Variants in YAF2 observed in about 807,000 individuals in gnomAD.
YAF2 encodes YY1-associated factor 2.
A neutral mutation model predicts 20.1 loss-of-function variants in YAF2; 7 were observed. That is an observed-to-expected ratio of 0.35 (90% confidence interval 0.20 to 0.65). The LOEUF is 0.65. Among genes scored for constraint, YAF2 ranks in the 30% least tolerant of loss-of-function variants. The pLI is 0.69. For synonymous variants in YAF2, 74 were observed against 76.0 expected, an observed-to-expected ratio of 0.97 and a Z score of 0.14; for missense variants, 151 against 219.2, an observed-to-expected ratio of 0.69 and a Z score of 1.96.
At chr12:42,205,670 G>A (rs1433847756) in intron 2 of YAF2, among the ~76,000 whole-genome samples, 1 of 152,108 alleles carries the variant, frequency 6.6e-6, no homozygotes, top group Non-Finnish European at 1.5e-5. Context: ...ACCGTGCCCG[G>A]TCATTGCTGA....
chr12:42,190,734 C>T (rs2066592227), intron 2 of YAF2, among the ~76,000 whole-genome samples: 1 of 151,834 alleles, frequency 6.6e-6, no homozygotes, highest in African/African-American at 2.4e-5. Context: ...TATCTTTAGA[C>T]CTTTGACTTA....
intron 2 of YAF2, among the ~76,000 whole-genome samples, chr12:42,191,362 T>C (rs2066607914): frequency 6.6e-6 from 1 of 152,158 alleles, no homozygotes; most frequent in African/African-American, 2.4e-5. Flanking sequence ...TCTAATAATA[T>C]GAATCCACTG....
chr12:42,203,151 A>T (rs1187152391), intron 2 of YAF2, among the ~76,000 whole-genome samples: 1 of 152,002 alleles, frequency 6.6e-6, no homozygotes, highest in Admixed American at 6.6e-5. Context: ...TTTATTACTA[A>T]ATAAATTTTA....
At chr12:42,198,114 A>T (rs1393128321) in intron 2 of YAF2, among the ~76,000 whole-genome samples, 3 of 151,952 alleles carry the variant, frequency 2.0e-5, no homozygotes, top group African/African-American at 7.2e-5. Context: ...GCCTCACCTT[A>T]TAAAAAAAAA....
chr12:42,222,937 C>CTTT (rs75277041), intron 2 of YAF2, among the ~76,000 whole-genome samples: 1 of 140,946 alleles, frequency 7.1e-6, no homozygotes, highest in Non-Finnish European at 1.6e-5. Context: ...CTGCCAAATT[C>CTTT]TTTTTTTTTT....
intron 2 of YAF2, chr12:42,212,361 T>C (rs1400094185): frequency 8.7e-6 from 3 of 346,206 alleles, no homozygotes; most frequent in Non-Finnish European, 1.7e-5. Context: ...CAGTGATGAC[T>C]TCTAACACTA....
chr12:42,162,661 T>G (rs2136951697), intron 2 of YAF2, among the ~76,000 whole-genome samples: 1 of 152,356 alleles, frequency 6.6e-6, no homozygotes, highest in South Asian at 2.1e-4. Context: ...TTTTGGTTAG[T>G]ACAGTTTTTA....
chr12:42,177,980 T>TC (rs1375982643), intron 2 of YAF2, among the ~76,000 whole-genome samples: 1 of 152,110 alleles, frequency 6.6e-6, no homozygotes, highest in Non-Finnish European at 1.5e-5. Context: ...TCATCTGTTT[T>TC]CCTCTACCAG....
intron 2 of YAF2, among the ~76,000 whole-genome samples, chr12:42,227,733 G>C (rs566442076): frequency 7.8e-4 from 116 of 148,428 alleles, no homozygotes; most frequent in African/African-American, 2.8e-3. Context: ...CAGCCACCCC[G>C]TCCGGGAGGG....
chr12:42,237,526 G>A, intron 2 of YAF2, 73 bp downstream of exon 2: 3 of 1,409,480 alleles, frequency 2.1e-6, no homozygotes, highest in Non-Finnish European at 1.9e-6. Flanking sequence ...ATGGGAGGGG[G>A]CGGCAGCCGC....
intron 2 of YAF2, among the ~76,000 whole-genome samples, chr12:42,201,026 CAG>C (rs1258062636): frequency 6.6e-5 from 10 of 152,160 alleles, no homozygotes; most frequent in African/African-American, 2.4e-4. Flanking sequence ...AACCTAGACA[CAG>C]AAAGTACAAG....
intron 2 of YAF2, chr12:42,234,921 G>C (rs10083090): frequency 5.7e-6 from 5 of 879,064 alleles, no homozygotes; most frequent in South Asian, 1.0e-4. Context: ...CTGGGAGTTC[G>C]AGGCTGCAGT....
chr12:42,210,254 C>T (rs1348670547), intron 2 of YAF2: 4 of 608,462 alleles, frequency 6.6e-6, no homozygotes, highest in Non-Finnish European at 8.1e-6. Flanking sequence ...AAGAAGCTAT[C>T]CCAAGTAACT....
rs961080118 is a variant in YAF2 at position 42,159,038 on chromosome 12, G to A, written c.*1551C>T. On this transcript the variant is annotated 3_prime_UTR_variant, in exon 4 of 4. Transcript: ENST00000534854. ...TCATTTAACAACACTAAAGAATGAG[G>A]TATATAAATGTTTTAATCACAGACT... 1 of 152,018 alleles carries A rather than the reference G, an allele frequency of 6.6e-6. No homozygotes were observed. Among genetic ancestry groups the A allele is most frequent in the African/African-American group, 2.4e-5 (1 of 41,390 alleles). 9.4% of individuals were successfully genotyped at this position (152,018 alleles called of 1,614,324 possible). A position where few individuals can be genotyped will look rare whatever the true frequency, so the allele number is the denominator to read the frequency against.
intron 2 of YAF2, among the ~76,000 whole-genome samples, chr12:42,225,322 T>C (rs1014493465): frequency 1.3e-5 from 2 of 152,202 alleles, no homozygotes; most frequent in Non-Finnish European, 2.9e-5. Flanking sequence ...GCCTGTTCAC[T>C]CTGATGATAG....
intron 2 of YAF2, among the ~76,000 whole-genome samples, chr12:42,192,747 T>C (rs2066647398): frequency 6.6e-6 from 1 of 152,180 alleles, no homozygotes; most frequent in African/African-American, 2.4e-5. Flanking sequence ...GTCAAGGTAG[T>C]ACTATCAGTT....
intron 2 of YAF2, among the ~76,000 whole-genome samples, chr12:42,217,089 A>T (rs1443510511): frequency 6.6e-6 from 1 of 152,238 alleles, no homozygotes; most frequent in Non-Finnish European, 1.5e-5. Context: ...TCTAGCTAAG[A>T]TTCAGCAAGA....
rs1332254420 is a variant in YAF2 at position 42,158,168 on chromosome 12, A to C, written c.*2421T>G. ...ACTTGAAGTAGGGTGAAACAAAGGC[A>C]GGTTGAGATACCTGTGATTAATAAA... On this transcript the variant is annotated 3_prime_UTR_variant, in exon 4 of 4. Transcript: ENST00000534854. 1 of 152,196 alleles carries C rather than the reference A, an allele frequency of 6.6e-6. No individual in the cohort carries two copies. The highest frequency in any genetic ancestry group is 1.5e-5 in the Non-Finnish European group (1 of 68,030). The allele number at this position is 152,196 out of a possible 1,614,324, so 9.4% of individuals were successfully genotyped here.
At position 42,158,957 on chromosome 12, in the gene YAF2, C is replaced by T. The variant is rs2065749273; in HGVS notation, c.*1632G>A. 1 of 152,072 alleles carries T rather than the reference C, an allele frequency of 6.6e-6. No homozygotes were observed. Among genetic ancestry groups the T allele is most frequent in the Non-Finnish European group, 1.5e-5 (1 of 67,990 alleles). 9.4% of individuals were successfully genotyped at this position (152,072 alleles called of 1,614,324 possible). On this transcript the variant is annotated 3_prime_UTR_variant, in exon 4 of 4. Coordinates refer to ENST00000534854, the MANE Select transcript of YAF2 (RefSeq NM_005748.6). ...AAATTCATGTTTTAAAGGAACATAT[C>T]TGGTTAGCTGGTATTCCATTGAAAG...
Sources: gnomAD v4.1 joint callset for allele counts (sites outside exome capture counted in the v4.1 genomes callset) on GRCh38, gnomAD v4.1.1 for gene constraint, MANE v1.5 for transcripts, NCBI Gene and HGNC (gene_info 2026-07-23, HGNC 2026-07-21) for gene names.